The following KMT2C variants were observed in gnomAD, a reference collection of about 807,000 sequenced individuals.
KMT2C encodes the protein lysine methyltransferase 2C.
KMT2C carries 88 observed loss-of-function variants against 507.9 expected under a neutral mutation model. The observed-to-expected ratio is 0.17, with a 90% CI of 0.15 to 0.21. The LOEUF (loss-of-function observed/expected upper bound fraction) is 0.21. Ranked by LOEUF, KMT2C falls within the 10% of genes least tolerant of loss-of-function variation. KMT2C has a pLI of 1.00. For missense variants in KMT2C, 4,954 were observed against 5,957.8 expected (o/e 0.83, Z 5.55); for synonymous variants, 2,049 against 2,080.8 (o/e 0.98, Z 0.42).
intron 1 of KMT2C, among the ~76,000 whole-genome samples, chr7:152,431,426 G>A (rs1173875142): frequency 6.6e-6 from 1 of 151,828 alleles, no homozygotes; most frequent in Non-Finnish European, 1.5e-5. Context: ...GTGAAACCCC[G>A]TCTCTACTAA....
At chr7:152,216,004 C>T (rs1486860176) in intron 23 of KMT2C, among the ~76,000 whole-genome samples, 14 of 152,094 alleles carry the variant, frequency 9.2e-5, no homozygotes, top group Admixed American at 9.2e-4. Flanking sequence ...GATAGTCTAC[C>T]TCACTCTTCC....
Position 152,151,433 on chromosome 7 carries a change from G to A in KMT2C, c.12666+9C>T, listed in dbSNP as rs1230937939. ...AGGAGGTGGGGTCATAAAAGGAGTA[G>A]CAAAGTACCTTGTTCAAAAGGGTCA... is the stretch of plus-strand genomic sequence containing the variant. On this transcript the variant is annotated intron_variant, in intron 50 of 58. Transcript: ENST00000262189. The A allele has an allele frequency of 6.2e-7, 1 of 1,613,608 alleles. No individual in the cohort carries two copies. The highest frequency in any genetic ancestry group is 2.2e-5 in the East Asian group (1 of 44,858).
chr7:152,151,385 C>T lies in KMT2C; in HGVS notation c.12666+57G>A, dbSNP rs563314294. 6 of 1,583,994 alleles carry T rather than the reference C, an allele frequency of 3.8e-6. No homozygotes were observed. In the South Asian group the frequency reaches 5.7e-5, roughly 15 times the overall value. On this transcript the variant is annotated intron_variant, in intron 50 of 58. Coordinates refer to ENST00000262189, the MANE Select transcript of KMT2C (RefSeq NM_170606.3). ...CTCTCTGATGTTGGAAGAGACACTG[C>T]CAAGGACATTTTCGCTGGAGGTAGG...
chr7:152,235,223 A>ATATATC (rs930686899), intron 16 of KMT2C, among the ~76,000 whole-genome samples: 2 of 151,370 alleles, frequency 1.3e-5, no homozygotes, highest in African/African-American at 4.9e-5. Context: ...ATATATATAT[A>ATATATC]TCAAAGCTTA....
intron 7 of KMT2C, among the ~76,000 whole-genome samples, chr7:152,267,871 T>C (rs1207667955): frequency 1.3e-5 from 2 of 152,184 alleles, no homozygotes; most frequent in East Asian, 1.9e-4. Flanking sequence ...CTCGTGGTCA[T>C]GGTGGGTTGT....
intron 55 of KMT2C, among the ~76,000 whole-genome samples, chr7:152,142,139 A>G (rs1164980070): frequency 6.6e-6 from 1 of 152,158 alleles, no homozygotes; most frequent in Non-Finnish European, 1.5e-5. Flanking sequence ...ATGCAAGAAA[A>G]CCTCTAGAAT....
intron 1 of KMT2C, among the ~76,000 whole-genome samples, chr7:152,393,345 A>G (rs1209439351): frequency 6.6e-6 from 1 of 152,208 alleles, no homozygotes; most frequent in African/African-American, 2.4e-5. Flanking sequence ...CAGCTCCAAA[A>G]TATTTAGAAT....
intron 16 of KMT2C, among the ~76,000 whole-genome samples, chr7:152,234,864 T>C (rs926187845): frequency 2.0e-5 from 3 of 151,304 alleles, no homozygotes; most frequent in African/African-American, 4.9e-5. Flanking sequence ...AGCCAGGAAT[T>C]AGAATGATAA....
intron 55 of KMT2C, among the ~76,000 whole-genome samples, chr7:152,143,859 T>C (rs1381400689): frequency 2.0e-5 from 3 of 152,160 alleles, no homozygotes; most frequent in Non-Finnish European, 1.5e-5. Flanking sequence ...ATCCAGTTTA[T>C]AGGGTAAAGA....
chr7:152,226,961 G>C (rs762478358), intron 18 of KMT2C, among the ~76,000 whole-genome samples: 1 of 152,192 alleles, frequency 6.6e-6, no homozygotes, highest in South Asian at 2.1e-4. Context: ...GAGGTGTTCA[G>C]TGGCAGAATT....
chr7:152,243,483 T>C (rs1445962269), intron 14 of KMT2C, among the ~76,000 whole-genome samples: 1 of 152,220 alleles, frequency 6.6e-6, no homozygotes, highest in Admixed American at 6.5e-5. Context: ...TGAAATTTTC[T>C]TGAAATATTT....
chr7:152,359,017 G>A (rs2097174426), intron 1 of KMT2C, among the ~76,000 whole-genome samples: 1 of 151,942 alleles, frequency 6.6e-6, no homozygotes, highest in African/African-American at 2.4e-5. Flanking sequence ...ACTACATAAT[G>A]GGTTCTTCAC....
chr7:152,368,475 T>C (rs2097265417), intron 1 of KMT2C: 9 of 1,245,844 alleles, frequency 7.2e-6, no homozygotes, highest in African/African-American at 1.5e-5. Context: ...TAAAGGACTC[T>C]GAAGCTGAGC....
intron 2 of KMT2C, among the ~76,000 whole-genome samples, chr7:152,341,584 T>G (rs1274454962): frequency 6.6e-6 from 1 of 152,172 alleles, no homozygotes; most frequent in African/African-American, 2.4e-5. Context: ...GCTGTGTAAT[T>G]CCACCACATA....
chr7:152,254,513 T>C (rs1276815409), intron 9 of KMT2C, among the ~76,000 whole-genome samples: 1 of 152,006 alleles, frequency 6.6e-6, no homozygotes, highest in East Asian at 1.9e-4. Flanking sequence ...AAGAAAGAAG[T>C]CTTTGGGAAG....
intron 1 of KMT2C, among the ~76,000 whole-genome samples, chr7:152,400,083 C>T (rs1292421920): frequency 4.0e-5 from 6 of 151,790 alleles, no homozygotes; most frequent in East Asian, 1.9e-4. Context: ...CCGAGATGGG[C>T]GGATCACGAG....
intron 1 of KMT2C, chr7:152,368,039 T>A (rs1161005042): frequency 4.7e-6 from 4 of 849,616 alleles, no homozygotes; most frequent in Non-Finnish European, 8.0e-6. Context: ...AAATAGATGA[T>A]GAAGAAGAAA....
chr7:152,145,076 C>T, intron 54 of KMT2C, 77 bp downstream of exon 54: 2 of 1,534,872 alleles, frequency 1.3e-6, no homozygotes, highest in Non-Finnish European at 8.9e-7. Flanking sequence ...TTGTAAGCAG[C>T]AGACAAATCA....
intron 1 of KMT2C, among the ~76,000 whole-genome samples, chr7:152,392,872 G>A (rs759804718): frequency 1.3e-5 from 2 of 152,068 alleles, no homozygotes; most frequent in Non-Finnish European, 2.9e-5. Flanking sequence ...TATATAATAA[G>A]CCAGTTTATC....
Sources: gnomAD v4.1 joint callset for allele counts (sites outside exome capture counted in the v4.1 genomes callset) on GRCh38, gnomAD v4.1.1 for gene constraint, MANE v1.5 for transcripts, NCBI Gene and HGNC (gene_info 2026-07-23, HGNC 2026-07-21) for gene names.